SORCS3: variants seen among roughly 807,000 people sequenced by gnomAD.
SORCS3 encodes sortilin related VPS10 domain containing receptor 3, also known as VPS10 domain-containing receptor SorCS3.
In SORCS3, 57 loss-of-function variants were observed where a neutral mutation model predicts 146.3. That is an observed-to-expected ratio of 0.39 (90% CI 0.31 to 0.49). The LOEUF is 0.49. Ranked by LOEUF, SORCS3 falls within the 20% of genes least tolerant of loss-of-function variation. The probability of loss-of-function intolerance (pLI) is 0.92; values close to 1 mark genes in which losing one functional copy is unlikely to be tolerated. For synonymous variants in SORCS3, 653 were observed against 618.5 expected (o/e 1.06, Z -0.83); for missense variants, 1,341 against 1,575.5 (o/e 0.85, Z 2.52).
Position 105,178,189 on chromosome 10 carries a change from G to A in SORCS3, c.2009+16G>A, listed in dbSNP as rs191829416. 713 of 1,579,436 alleles carry A rather than the reference G, an allele frequency of 4.5e-4. 4 individuals carry two copies. In the African/African-American group the frequency reaches 8.6e-3, roughly 19 times the overall value. On this transcript the variant is annotated intron_variant, in intron 14 of 26. Transcript: ENST00000369701. ...ACATCATGACGTGAGTACTTCTTTT[G>A]CTGTGACAGGAAGAAGACCAGAGAC...
chr10:105,142,391 T>C (rs1056764612), intron 8 of SORCS3, among the ~76,000 whole-genome samples: 15 of 152,198 alleles, frequency 9.9e-5, no homozygotes, highest in Non-Finnish European at 1.5e-5. Context: ...CTTGTTTACC[T>C]ATAAGACCAG....
chr10:104,912,210 G>A (rs1339275914), intron 2 of SORCS3, among the ~76,000 whole-genome samples: 1 of 152,194 alleles, frequency 6.6e-6, no homozygotes, highest in African/African-American at 2.4e-5. Flanking sequence ...CACGTTGAGT[G>A]CATTTGAAAA....
chr10:105,203,270 T>C (rs941396073), intron 16 of SORCS3, among the ~76,000 whole-genome samples: 1 of 152,192 alleles, frequency 6.6e-6, no homozygotes, highest in African/African-American at 2.4e-5. Context: ...CTGTGACCAT[T>C]TTGAGCCCTT....
At chr10:105,123,631 G>A (rs1331087238) in intron 7 of SORCS3, among the ~76,000 whole-genome samples, 1 of 152,076 alleles carries the variant, frequency 6.6e-6, no homozygotes, top group African/African-American at 2.4e-5. Flanking sequence ...GCCATAACAG[G>A]GTTTATAGTC....
At chr10:105,158,321 T>C (rs2056229987) in intron 10 of SORCS3, among the ~76,000 whole-genome samples, 1 of 152,202 alleles carries the variant, frequency 6.6e-6, no homozygotes, top group Admixed American at 6.5e-5. Context: ...GATGAATAAA[T>C]AAATGAATAA....
intron 2 of SORCS3, among the ~76,000 whole-genome samples, chr10:104,849,503 C>T (rs1406893443): frequency 6.7e-6 from 1 of 150,286 alleles, no homozygotes; most frequent in Admixed American, 6.6e-5. Flanking sequence ...CAGTGGGTGG[C>T]ATATATAGTG....
intron 14 of SORCS3, among the ~76,000 whole-genome samples, chr10:105,198,980 A>G (rs1374028184): frequency 6.6e-6 from 1 of 152,176 alleles, no homozygotes. Context: ...TAGAGAGCAT[A>G]AGAAAATGAC....
chr10:104,770,840 C>G (rs1235249332), intron 1 of SORCS3, among the ~76,000 whole-genome samples: 1 of 151,834 alleles, frequency 6.6e-6, no homozygotes, highest in African/African-American at 2.4e-5. Context: ...CTCAAAAAAA[C>G]AAAACAAAGA....
At chr10:104,696,093 A>ATGTAAT (rs755039152) in intron 1 of SORCS3, among the ~76,000 whole-genome samples, 1 of 17,796 alleles carries the variant, frequency 5.6e-5, no homozygotes, top group African/African-American at 1.7e-4. Context: ...ACACATATAT[A>ATGTAAT]ATATATCATA....
chr10:104,891,184 C>T (rs1290136227), intron 2 of SORCS3, among the ~76,000 whole-genome samples: 1 of 152,130 alleles, frequency 6.6e-6, no homozygotes, highest in Non-Finnish European at 1.5e-5. Flanking sequence ...TTCCCCATGA[C>T]TTATGAGGGT....
chr10:105,026,326 C>T (rs1458327336), intron 4 of SORCS3, among the ~76,000 whole-genome samples: 8 of 152,242 alleles, frequency 5.3e-5, no homozygotes, highest in Non-Finnish European at 1.2e-4. Context: ...GTGGGTTCCC[C>T]ACTTTCTGCT....
intron 7 of SORCS3, among the ~76,000 whole-genome samples, chr10:105,125,764 A>C (rs920129021): frequency 4.6e-5 from 7 of 151,864 alleles, no homozygotes; most frequent in African/African-American, 1.7e-4. Flanking sequence ...TCGGCTTAGG[A>C]AACCAGGACC....
chr10:104,662,687 T>C (rs566224879), intron 1 of SORCS3, among the ~76,000 whole-genome samples: 1 of 152,294 alleles, frequency 6.6e-6, no homozygotes, highest in South Asian at 2.1e-4. Flanking sequence ...GAAGCCTTCA[T>C]TGAATATTTG....
chr10:104,912,834 C>T (rs542122347), intron 2 of SORCS3, among the ~76,000 whole-genome samples: 81 of 152,144 alleles, frequency 5.3e-4, no homozygotes, highest in Non-Finnish European at 1.0e-3. Context: ...AATAGAAATG[C>T]GTACAAGATA....
chr10:105,209,876 G>A (rs766275405), intron 16 of SORCS3, among the ~76,000 whole-genome samples: 25 of 152,204 alleles, frequency 1.6e-4, no homozygotes, highest in South Asian at 4.2e-4. Context: ...GTTCTTCTTA[G>A]CTCTACTGTT....
intron 2 of SORCS3, among the ~76,000 whole-genome samples, chr10:104,854,580 A>AT (rs1009591007): frequency 3.3e-5 from 5 of 151,954 alleles, no homozygotes; most frequent in Non-Finnish European, 5.9e-5. Context: ...AGTTGTACCC[A>AT]TTTTTTTGTG....
At chr10:104,915,458 C>T (rs913504233) in intron 2 of SORCS3, among the ~76,000 whole-genome samples, 2 of 123,038 alleles carry the variant, frequency 1.6e-5, no homozygotes, top group Admixed American at 2.2e-4. Flanking sequence ...ACACAACTCC[C>T]GTATAGAGGG....
At chr10:104,960,906 A>G (rs1490349480) in intron 3 of SORCS3, among the ~76,000 whole-genome samples, 1 of 152,162 alleles carries the variant, frequency 6.6e-6, no homozygotes, top group African/African-American at 2.4e-5. Context: ...ATAAATAATA[A>G]GTATTAGTGA....
chr10:104,957,097 G>A (rs936274630), intron 3 of SORCS3, among the ~76,000 whole-genome samples: 1 of 152,120 alleles, frequency 6.6e-6, no homozygotes, highest in Admixed American at 6.6e-5. Context: ...CATCATTCAG[G>A]ACATTTTCTG....
Sources: allele counts gnomAD v4.1 joint callset (sites outside exome capture counted in the v4.1 genomes callset), GRCh38; gene constraint gnomAD v4.1.1; transcripts MANE v1.5; gene names NCBI Gene and HGNC (gene_info 2026-07-23, HGNC 2026-07-21).